The following DOK7 variants were observed in gnomAD, a reference collection of about 807,000 sequenced individuals.
DOK7 encodes the protein protein Dok-7.
DOK7 carries 32 observed loss-of-function variants against 30.7 expected under a neutral mutation model. The ratio of observed to expected loss-of-function variants is 1.04; its 90% CI spans 0.79 to 1.40. The LOEUF (loss-of-function observed/expected upper bound fraction) is 1.40, where lower values mean the gene tolerates loss of function less well. Ranked by LOEUF, DOK7 falls within the 40% of genes most tolerant of loss-of-function variation. The pLI, the probability that DOK7 is intolerant of heterozygous loss-of-function variation, is 0.00. For missense variants in DOK7, 1,007 were observed against 699.2 expected, an observed-to-expected ratio of 1.44 and a Z score of -4.97; for synonymous variants, 447 against 324.1, an observed-to-expected ratio of 1.38 and a Z score of -4.07.
At position 3,473,536 on chromosome 4, in the gene DOK7, G is replaced by A. The variant is rs765202574; in HGVS notation, c.231G>A (p.Thr77=). The A allele has an allele frequency of 5.0e-6, 8 of 1,610,732 alleles. No individual in the cohort carries two copies. The highest frequency in any genetic ancestry group is 2.7e-5 in the African/African-American group (2 of 74,874). The change falls in exon 3 of 7, where the codon ACG becomes ACA. Residue 77 remains threonine (T), a synonymous_variant. Transcript: ENST00000340083. ...PGLPYEGLVH[T]LAIVCLSQAI... Reference sequence around the variant, plus strand: ...TGCCCTACGAGGGCCTGGTCCACACGCTGGCCATTGTCTGCCTGTCCCAGG... The same window carrying A: ...TGCCCTACGAGGGCCTGGTCCACACACTGGCCATTGTCTGCCTGTCCCAGG...
intron 3 of DOK7, among the ~76,000 whole-genome samples, chr4:3,474,475 A>G (rs1373098691): frequency 6.6e-6 from 1 of 152,008 alleles, no homozygotes; most frequent in East Asian, 1.9e-4. Context: ...AGCCCAGGAG[A>G]TAGAGACCAG....
At chr4:3,484,548 A>C in intron 4 of DOK7, 1 of 985,428 alleles carries the variant, frequency 1.0e-6, no homozygotes, top group Non-Finnish European at 1.2e-6. Flanking sequence ...TGGCCCATTC[A>C]CGCGGCCGCC....
At chr4:3,495,102 C>A (rs1227303135), downstream of DOK7, among the ~76,000 whole-genome samples, 2 of 152,160 alleles carry the variant, frequency 1.3e-5, no homozygotes, top group African/African-American at 4.8e-5. Flanking sequence ...ACCCTACAAG[C>A]CCCGCCCCTC....
At chr4:3,475,151 G>A (rs1210338562) in intron 3 of DOK7, among the ~76,000 whole-genome samples, 1 of 152,188 alleles carries the variant, frequency 6.6e-6, no homozygotes, top group East Asian at 1.9e-4. Flanking sequence ...GCAGGAGGGC[G>A]CAGGGGAAGG....
At chr4:3,475,845 G>A (rs1234941408) in intron 3 of DOK7, among the ~76,000 whole-genome samples, 4 of 152,044 alleles carry the variant, frequency 2.6e-5, no homozygotes, top group African/African-American at 9.7e-5. Flanking sequence ...TAGCACCTCC[G>A]TGGTGGGAGG....
chr4:3,465,140 T>C (rs1196444242), intron 2 of DOK7, among the ~76,000 whole-genome samples: 1 of 152,130 alleles, frequency 6.6e-6, no homozygotes, highest in Non-Finnish European at 1.5e-5. Flanking sequence ...TCTGTGTTGG[T>C]CACTCCAGCA....
intron 4 of DOK7, among the ~76,000 whole-genome samples, chr4:3,482,606 G>A (rs543849646): frequency 3.1e-4 from 47 of 152,394 alleles, no homozygotes; most frequent in African/African-American, 1.1e-3. Flanking sequence ...GCCTCTGAGG[G>A]CAGGGATAGG....
At chr4:3,468,655 TGA>T (rs896263751) in intron 2 of DOK7, among the ~76,000 whole-genome samples, 29 of 109,806 alleles carry the variant, frequency 2.6e-4, no homozygotes, top group South Asian at 5.7e-4. Context: ...TGTGCATGTA[TGA>T]GTGTGTGTGC....
chr4:3,473,928 C>G (rs1399585174), intron 3 of DOK7, among the ~76,000 whole-genome samples: 1 of 152,180 alleles, frequency 6.6e-6, no homozygotes, highest in African/African-American at 2.4e-5. Flanking sequence ...CTTCCCAAAG[C>G]CCTGCCCTTT....
rs141947707 is a variant in DOK7 at position 3,492,904 on chromosome 4, C to T, written c.918C>T (p.Ala306=). 4.2e-4 allele frequency: 662 copies of T among 1,578,280 alleles called. No homozygotes were observed. Among genetic ancestry groups the T allele is most frequent in the African/African-American group, 3.1e-3 (231 of 74,294 alleles). ...GGCCTAGACCAGCAGCTGCCCAGGCCGCCGGGGAAGCCATGGTGGGTGCCT... is the reference window on the plus strand; with the variant it reads ...GGCCTAGACCAGCAGCTGCCCAGGCTGCCGGGGAAGCCATGGTGGGTGCCT... ...QEGPRPAAAQ[A]AGEAMVGASR... The change falls in exon 7 of 7, where the codon GCC becomes GCT. Residue 306 remains alanine, a synonymous_variant. Transcript: ENST00000340083.
rs1728741392 is a variant in DOK7 at position 3,494,044 on chromosome 4, C to G, written c.*543C>G. 1 of 988,154 alleles carries G rather than the reference C, an allele frequency of 1.0e-6. No homozygotes were observed. Among genetic ancestry groups the G allele is most frequent in the South Asian group, 4.7e-5 (1 of 21,370 alleles). The allele number at this position is 988,154 out of a possible 1,614,324, so 61.2% of individuals were successfully genotyped here. ...CCTCATCCCCATCTATGGGAGGAAACTGAAGCTCAGGAGGCTGTGTGGCTT... is the reference window on the plus strand; with the variant it reads ...CCTCATCCCCATCTATGGGAGGAAAGTGAAGCTCAGGAGGCTGTGTGGCTT... On this transcript the variant is annotated 3_prime_UTR_variant, in exon 7 of 7. Transcript: ENST00000340083.
chr4:3,469,548 C>T (rs1726630334), intron 2 of DOK7, among the ~76,000 whole-genome samples: 1 of 152,250 alleles, frequency 6.6e-6, no homozygotes, highest in South Asian at 2.1e-4. Flanking sequence ...GCCCAGGCCT[C>T]CTGGGAGGGT....
intron 4 of DOK7, among the ~76,000 whole-genome samples, chr4:3,478,493 A>ACCCGGCTGGCC (rs1727243981): frequency 2.4e-5 from 1 of 42,074 alleles, no homozygotes; most frequent in Non-Finnish European, 4.2e-5. Flanking sequence ...AAACCTGCAA[A>ACCCGGCTGGCC]CCAGGCTGGC....
intron 6 of DOK7, among the ~76,000 whole-genome samples, chr4:3,499,787 G>A (rs1039644029): frequency 2.6e-4 from 40 of 152,044 alleles, no homozygotes; most frequent in Middle Eastern, 3.4e-3. Flanking sequence ...GGGTGACCCC[G>A]GAGGACAGTG....
exon 7 of DOK7, chr4:3,500,354 G>A (rs2109445785): frequency 6.5e-7 from 1 of 1,535,954 alleles, no homozygotes; most frequent in Non-Finnish European, 8.7e-7. Context: ...CCAGAAAGCA[G>A]CTGCACTACA....
chr4:3,481,223 C>T (rs1471427654), intron 4 of DOK7, among the ~76,000 whole-genome samples: 1 of 152,014 alleles, frequency 6.6e-6, no homozygotes, highest in Non-Finnish European at 1.5e-5. Context: ...GGTGCTTGAG[C>T]ATGGGGAGTG....
intron 5 of DOK7, among the ~76,000 whole-genome samples, chr4:3,486,498 G>A (rs78400770): frequency 0.081 from 12,308 of 152,276 alleles, 854 homozygotes; most frequent in African/African-American, 0.19. Context: ...GGGCAGAGGC[G>A]AGCAGCATGT....
chr4:3,485,328 C>G, intron 4 of DOK7: 2 of 599,598 alleles, frequency 3.3e-6, no homozygotes, highest in Non-Finnish European at 5.3e-6. Context: ...GGGGACCCAG[C>G]TTCACAGAGC....
downstream of DOK7, among the ~76,000 whole-genome samples, chr4:3,498,470 T>C (rs915401870): frequency 6.6e-6 from 1 of 152,186 alleles, no homozygotes; most frequent in Non-Finnish European, 1.5e-5. Context: ...GAAGAACGGA[T>C]GCAATCCTAA....
Sources: allele counts gnomAD v4.1 joint callset (sites outside exome capture counted in the v4.1 genomes callset), GRCh38; gene constraint gnomAD v4.1.1; transcripts MANE v1.5; gene names NCBI Gene and HGNC (gene_info 2026-07-23, HGNC 2026-07-21).